Variants in RARB observed in about 807,000 individuals in gnomAD.
RARB encodes HBV-activated protein.
Under a neutral mutation model 51.9 loss-of-function variants are expected in RARB, and 17 were observed. The ratio of observed to expected loss-of-function variants is 0.33; its 90% CI spans 0.22 to 0.49. RARB has a LOEUF of 0.49. Among genes scored for constraint, RARB ranks in the 20% least tolerant of loss-of-function variants. The pLI, the probability that RARB is intolerant of heterozygous loss-of-function variation, is 0.99. For synonymous variants in RARB, 215 were observed against 195.4 expected, an observed-to-expected ratio of 1.10 and a Z score of -0.84; for missense variants, 369 against 550.8, an observed-to-expected ratio of 0.67 and a Z score of 3.30.
chr3:25,368,457 ACAAG>A (rs1040435557), intron 5 of RARB, among the ~76,000 whole-genome samples: 7 of 152,336 alleles, frequency 4.6e-5, no homozygotes, highest in African/African-American at 1.4e-4. Context: ...GCATTTATAC[ACAAG>A]CAGGCAAGTT....
chr3:25,060,022 A>C (rs1698517663), intron 2 of RARB: 1 of 151,798 alleles, frequency 6.6e-6, no homozygotes, highest in African/African-American at 2.4e-5. Context: ...AATAGTTATC[A>C]AAATTATATA....
chr3:25,016,912 C>G (rs1697521533), intron 2 of RARB, among the ~76,000 whole-genome samples: 1 of 152,132 alleles, frequency 6.6e-6, no homozygotes, highest in Non-Finnish European at 1.5e-5. Context: ...CCTCTAACAT[C>G]TGGGTTCTGA....
At chr3:25,525,062 C>T (rs1185761669) in intron 3 of RARB, among the ~76,000 whole-genome samples, 8 of 152,128 alleles carry the variant, frequency 5.3e-5, no homozygotes, top group Non-Finnish European at 1.2e-4. Flanking sequence ...TCTTTTCTAG[C>T]TCTTGGAAAT....
chr3:24,849,425 C>T (rs988394705), intron 1 of RARB, among the ~76,000 whole-genome samples: 1 of 152,214 alleles, frequency 6.6e-6, no homozygotes, highest in African/African-American at 2.4e-5. Flanking sequence ...CAGTTATTCT[C>T]GCTACTTATG....
intron 1 of RARB, among the ~76,000 whole-genome samples, chr3:24,838,214 C>T (rs948123508): frequency 6.6e-6 from 1 of 152,184 alleles, no homozygotes; most frequent in African/African-American, 2.4e-5. Flanking sequence ...CTGACTTCCA[C>T]TTTTCCTACA....
At chr3:25,558,271 A>C (rs1229142987) in intron 3 of RARB, among the ~76,000 whole-genome samples, 1 of 152,130 alleles carries the variant, frequency 6.6e-6, no homozygotes, top group Non-Finnish European at 1.5e-5. Context: ...TTCCATCCTT[A>C]TTGCTCTGCT....
intron 5 of RARB, among the ~76,000 whole-genome samples, chr3:25,587,303 G>A (rs1328006433): frequency 6.6e-6 from 1 of 152,218 alleles, no homozygotes; most frequent in African/African-American, 2.4e-5. Context: ...GTGCTGTCTA[G>A]TTCAGCAGCT....
chr3:25,073,250 CT>C (rs1383632753), intron 3 of RARB, among the ~76,000 whole-genome samples: 1 of 152,222 alleles, frequency 6.6e-6, no homozygotes, highest in African/African-American at 2.4e-5. Context: ...AAGACCAATG[CT>C]GTGTGAAAGT....
At chr3:25,052,194 G>C (rs567287274) in intron 2 of RARB, among the ~76,000 whole-genome samples, 3 of 152,164 alleles carry the variant, frequency 2.0e-5, no homozygotes, top group South Asian at 4.1e-4. Flanking sequence ...CTGAGGAGAA[G>C]AGCACAAGAA....
chr3:25,266,596 A>G (rs1055250554), intron 5 of RARB, among the ~76,000 whole-genome samples: 1 of 152,172 alleles, frequency 6.6e-6, no homozygotes, highest in Non-Finnish European at 1.5e-5. Flanking sequence ...AATTTAAACC[A>G]TCATGGCTAT....
chr3:25,449,994 C>T (rs1709121308), intron 1 of RARB, among the ~76,000 whole-genome samples: 1 of 152,064 alleles, frequency 6.6e-6, no homozygotes, highest in Admixed American at 6.5e-5. Flanking sequence ...TCAAGTGATC[C>T]ACCCGCCACA....
Position 24,927,562 on chromosome 3 carries a change from G to C in RARB, c.-380+68810G>C, listed in dbSNP as rs1228623179. ...TGGGTATCTTCAGTAATTCAGATAA[G>C]AGCTGAAGTGTATGGCTACAGCCCC... On this transcript the variant is annotated intron_variant, in intron 2 of 11. Coordinates refer to the RARB transcript ENST00000383772. Among the ~76,000 whole-genome samples the C allele has an allele frequency of 3.3e-5, 5 of 151,960 alleles. No individual in the cohort carries two copies. In the South Asian group the frequency reaches 1.0e-3, roughly 31 times the overall value.
chr3:25,289,541 A>C (rs1462676487), intron 5 of RARB, among the ~76,000 whole-genome samples: 1 of 152,182 alleles, frequency 6.6e-6, no homozygotes, highest in Non-Finnish European at 1.5e-5. Flanking sequence ...CATTTATTAA[A>C]CTTTGGCAAA....
intron 4 of RARB, among the ~76,000 whole-genome samples, chr3:25,146,576 C>T (rs1004189940): frequency 3.4e-5 from 5 of 147,964 alleles, no homozygotes; most frequent in African/African-American, 1.0e-4. Flanking sequence ...GGCGCGATCT[C>T]GGCTCACTGC....
chr3:25,593,423 T>G, intron 5 of RARB, 80 bp from the exon 6 acceptor site: 2 of 1,329,424 alleles, frequency 1.5e-6, no homozygotes, highest in Non-Finnish European at 2.1e-6. Flanking sequence ...GAAATCTTCA[T>G]GTTATTTCCT....
chr3:25,033,394 T>A (rs4858688), intron 2 of RARB, among the ~76,000 whole-genome samples: 95,166 of 151,996 alleles, frequency 0.63, 30,484 homozygotes, highest in East Asian at 0.93. Flanking sequence ...GGGAAGTTAA[T>A]TGTCTGAAAT....
Position 25,510,014 on chromosome 3 carries a change from G to T in RARB, c.448+8691G>T, listed in dbSNP as rs76394260. 2.6e-3 allele frequency among the ~76,000 whole-genome samples: 402 copies of T among 152,344 alleles called. 3 individuals are homozygous for T. Among genetic ancestry groups the T allele is most frequent in the African/African-American group, 9.2e-3 (383 of 41,582 alleles). On this transcript the variant is annotated intron_variant, in intron 3 of 7. Transcript: ENST00000330688. ...TTGCTGTTAGCCACCTGAGAGGAAA[G>T]CTGGGGAGGATATCAGTGGTGCTGT... is the stretch of plus-strand genomic sequence containing the variant.
intron 3 of RARB, among the ~76,000 whole-genome samples, chr3:25,511,771 A>C (rs1201217686): frequency 6.6e-6 from 1 of 152,076 alleles, no homozygotes; most frequent in Non-Finnish European, 1.5e-5. Context: ...CCTGCCGCTA[A>C]CCCTTCCTCA....
chr3:24,850,074 C>T (rs1053777729), intron 1 of RARB, among the ~76,000 whole-genome samples: 2 of 152,206 alleles, frequency 1.3e-5, no homozygotes, highest in African/African-American at 2.4e-5. Context: ...GTGTCCTTAC[C>T]TGGAAGAAGG....
Sources: gnomAD v4.1 joint callset for allele counts (sites outside exome capture counted in the v4.1 genomes callset) on GRCh38, gnomAD v4.1.1 for gene constraint, MANE v1.5 for transcripts, NCBI Gene and HGNC (gene_info 2026-07-23, HGNC 2026-07-21) for gene names.